Variants in AP1S3 observed in about 807,000 individuals in gnomAD.
AP1S3 encodes the protein AP-1 complex subunit sigma-3.
Under a neutral mutation model 20.9 loss-of-function variants are expected in AP1S3, and 10 were observed. That is an observed-to-expected ratio of 0.48 (90% CI 0.29 to 0.81). AP1S3 has a LOEUF of 0.81. AP1S3 is among the 30% of genes least tolerant of loss of function. The pLI, the probability that AP1S3 is intolerant of heterozygous loss-of-function variation, is 0.08. For synonymous variants in AP1S3, 41 were observed against 61.5 expected, an observed-to-expected ratio of 0.67 and a Z score of 1.56; for missense variants, 154 against 183.8, an observed-to-expected ratio of 0.84 and a Z score of 0.94.
intron 1 of AP1S3, among the ~76,000 whole-genome samples, chr2:223,790,772 T>G (rs964758086): frequency 1.3e-5 from 2 of 152,162 alleles, no homozygotes; most frequent in Middle Eastern, 3.2e-3. Context: ...TGTGTGTGTG[T>G]TGTGACAACA....
At chr2:223,812,145 C>T (rs569017383) in intron 1 of AP1S3, among the ~76,000 whole-genome samples, 4 of 152,322 alleles carry the variant, frequency 2.6e-5, no homozygotes, top group East Asian at 1.9e-4. Flanking sequence ...TAGAATAACA[C>T]AAATATCACA....
chr2:223,770,413 C>T, intron 3 of AP1S3: 2 of 1,518,406 alleles, frequency 1.3e-6, no homozygotes, highest in South Asian at 2.5e-5. Context: ...CTGGGTCCTC[C>T]AGCAGCCATG....
At chr2:223,780,349 A>AGTGTGTGTGT (rs1298235522) in intron 1 of AP1S3, among the ~76,000 whole-genome samples, 26 of 69,790 alleles carry the variant, frequency 3.7e-4, no homozygotes, top group East Asian at 5.3e-4. Context: ...AGAGAGAGAG[A>AGTGTGTGTGT]GAGAGAGAGT....
At chr2:223,807,035 G>A (rs1023027894) in intron 1 of AP1S3, among the ~76,000 whole-genome samples, 2 of 152,192 alleles carry the variant, frequency 1.3e-5, no homozygotes, top group Admixed American at 1.3e-4. Context: ...GGAGGCCAAG[G>A]TGGGAGGATT....
chr2:223,788,969 A>T (rs1382428228), intron 1 of AP1S3, among the ~76,000 whole-genome samples: 3 of 152,148 alleles, frequency 2.0e-5, no homozygotes, highest in Admixed American at 1.3e-4. Flanking sequence ...AATGACAGAG[A>T]AAAGACCTTT....
At chr2:223,836,724 T>A (rs1394315885) in intron 1 of AP1S3, among the ~76,000 whole-genome samples, 1 of 151,958 alleles carries the variant, frequency 6.6e-6, no homozygotes, top group Non-Finnish European at 1.5e-5. Flanking sequence ...GCGAGATCAG[T>A]CTCAAAAAAA....
At chr2:223,832,357 A>C (rs1227961798) in intron 1 of AP1S3, among the ~76,000 whole-genome samples, 1 of 151,960 alleles carries the variant, frequency 6.6e-6, no homozygotes, top group Non-Finnish European at 1.5e-5. Flanking sequence ...CTCACCACAA[A>C]CAAACAAACA....
chr2:223,801,706 A>T (rs1207762410), intron 1 of AP1S3, among the ~76,000 whole-genome samples: 1 of 152,096 alleles, frequency 6.6e-6, no homozygotes, highest in African/African-American at 2.4e-5. Flanking sequence ...GGCCTCCCAA[A>T]GTGCTGGGAT....
intron 1 of AP1S3, among the ~76,000 whole-genome samples, chr2:223,812,986 T>C (rs1016509998): frequency 1.3e-5 from 2 of 151,962 alleles, no homozygotes; most frequent in Non-Finnish European, 2.9e-5. Flanking sequence ...TGGAGTGAGG[T>C]GGCATGATCT....
chr2:223,830,266 G>A (rs1692228677), intron 1 of AP1S3, among the ~76,000 whole-genome samples: 1 of 151,810 alleles, frequency 6.6e-6, no homozygotes, highest in South Asian at 2.1e-4. Flanking sequence ...ATCACTTGAG[G>A]TCAGGAGTTC....
chr2:223,836,515 G>C (rs1402060919), intron 1 of AP1S3, among the ~76,000 whole-genome samples: 1 of 152,172 alleles, frequency 6.6e-6, no homozygotes, highest in Non-Finnish European at 1.5e-5. Flanking sequence ...CGAGGCAGGC[G>C]GATCACCTGA....
intron 1 of AP1S3, among the ~76,000 whole-genome samples, chr2:223,811,322 C>T (rs1202007823): frequency 6.6e-6 from 1 of 152,090 alleles, no homozygotes; most frequent in Non-Finnish European, 1.5e-5. Context: ...AATCCCAACA[C>T]TTTTGGAGGC....
intron 1 of AP1S3, among the ~76,000 whole-genome samples, chr2:223,817,025 T>A (rs1691859270): frequency 6.6e-6 from 1 of 152,184 alleles, no homozygotes. Context: ...CGCAGGAGGC[T>A]GAGGCAGGAG....
Position 223,837,555 on chromosome 2 carries a change from G to A in AP1S3, c.-105C>T, listed in dbSNP as rs1446911811. The A allele has an allele frequency of 3.3e-5, 23 of 690,322 alleles. No homozygotes were observed. The highest frequency in any genetic ancestry group is 4.5e-5 in the Non-Finnish European group (22 of 490,198). 42.8% of individuals were successfully genotyped at this position (690,322 alleles called of 1,614,324 possible). ...GGTGCGGCTGACAGGTGAGGCGCCC[G>A]GCTTAGACCATGGCTGCTTCCCACA... On this transcript the variant is annotated 5_prime_UTR_variant, in exon 1 of 5. Transcript: ENST00000396654.
chr2:223,777,105 G>T (rs1192848800), intron 2 of AP1S3, among the ~76,000 whole-genome samples: 1 of 152,204 alleles, frequency 6.6e-6, no homozygotes, highest in Non-Finnish European at 1.5e-5. Flanking sequence ...TTAGAACAAT[G>T]CCAGGAATGG....
At chr2:223,826,939 A>G (rs1004982792) in intron 1 of AP1S3, among the ~76,000 whole-genome samples, 2 of 152,162 alleles carry the variant, frequency 1.3e-5, no homozygotes, top group African/African-American at 4.8e-5. Flanking sequence ...CTTCCTACTC[A>G]ACACTCATTA....
chr2:223,771,201 G>T (rs1690615737), intron 3 of AP1S3, among the ~76,000 whole-genome samples: 1 of 152,028 alleles, frequency 6.6e-6, no homozygotes, highest in African/African-American at 2.4e-5. Context: ...GCCAGGCATG[G>T]TGGCACACGC....
At chr2:223,787,097 T>C (rs1453881292) in intron 1 of AP1S3, among the ~76,000 whole-genome samples, 2 of 152,102 alleles carry the variant, frequency 1.3e-5, no homozygotes, top group Admixed American at 6.6e-5. Flanking sequence ...AGTGAGTTAT[T>C]GTGAGATCTG....
At chr2:223,815,653 A>G (rs1021993755) in intron 1 of AP1S3, among the ~76,000 whole-genome samples, 1 of 152,248 alleles carries the variant, frequency 6.6e-6, no homozygotes, top group East Asian at 1.9e-4. Context: ...AAATAATCCA[A>G]GCATATAAAC....
Sources: allele counts gnomAD v4.1 joint callset (sites outside exome capture counted in the v4.1 genomes callset), GRCh38; gene constraint gnomAD v4.1.1; transcripts MANE v1.5; gene names NCBI Gene and HGNC (gene_info 2026-07-23, HGNC 2026-07-21).